CR1L: variants seen among roughly 807,000 people sequenced by gnomAD.
CR1L encodes the protein complement component receptor 1-like protein.
A neutral mutation model predicts 62.3 loss-of-function variants in CR1L; 59 were observed. The ratio of observed to expected loss-of-function variants is 0.95; its 90% CI spans 0.77 to 1.18. CR1L has a LOEUF of 1.18. Ranked by LOEUF, CR1L falls within the 50% of genes most tolerant of loss-of-function variation. The pLI is 0.00. For synonymous variants in CR1L, 279 were observed against 248.7 expected (o/e 1.12, Z -1.15); for missense variants, 700 against 702.8 (o/e 1.00, Z 0.04).
rs772624600 is a variant in CR1L, at chr1:207,708,182, C to T, written c.1333C>T (p.Arg445Ter). 9.3e-6 allele frequency: 15 copies of T among 1,611,162 alleles called. No individual in the cohort carries two copies. The highest frequency in any genetic ancestry group is 8.3e-5 in the Admixed American group (5 of 59,966). The change falls in exon 10 of 12, where the codon CGA (arginine) becomes TGA (stop). Residue 445 changes from arginine (R) to a stop codon, truncating the protein, a stop_gained. Coordinates refer to ENST00000508064, the MANE Select transcript of CR1L (RefSeq NM_175710.2). LOFTEE classifies it high-confidence loss of function. Reference sequence around the variant, plus strand: ...TTTTCCATTTTTTGCCTTTAGGCACCGACTCATTGGTCACTCATCTGCTGA... The same window carrying T: ...TTTTCCATTTTTTGCCTTTAGGCACTGACTCATTGGTCACTCATCTGCTGA... ...RINYSCTTGH[R>*]LIGHSSAECI... is the part of the protein sequence containing the mutation.
chr1:207,715,543 C>G (rs763609361), intron 10 of CR1L: 22 of 463,604 alleles, frequency 4.7e-5, no homozygotes, highest in Non-Finnish European at 8.0e-5. Context: ...CAAGAAGGGT[C>G]TTGTAGGACT....
At chr1:207,692,815 G>A (rs1290234198) in intron 4 of CR1L, among the ~76,000 whole-genome samples, 3 of 151,932 alleles carry the variant, frequency 2.0e-5, no homozygotes, top group Non-Finnish European at 4.4e-5. Context: ...CTTCCATCTT[G>A]TGTTTCTTGT....
At chr1:207,654,589 A>G (rs1663276826) in intron 1 of CR1L, among the ~76,000 whole-genome samples, 1 of 152,230 alleles carries the variant, frequency 6.6e-6, no homozygotes, top group South Asian at 2.1e-4. Flanking sequence ...AAGTATTCCT[A>G]TACTCAATGA....
chr1:207,696,626 AT>A (rs750807834), intron 5 of CR1L, among the ~76,000 whole-genome samples: 1 of 152,178 alleles, frequency 6.6e-6, no homozygotes, highest in Non-Finnish European at 1.5e-5. Flanking sequence ...TAAAGAAGTC[AT>A]TTTTCTAGTC....
At position 207,707,512 on chromosome 1, in the gene CR1L, C is replaced by A. The variant is rs1445828459; in HGVS notation, c.1329-666C>A. Among the ~76,000 whole-genome samples the A allele has an allele frequency of 2.0e-5, 3 of 152,088 alleles. No individual in the cohort carries two copies. The East Asian group carries it at 5.8e-4, about 29-fold the overall frequency. ...GCATGTTGGTGCATGCCTGTAATCC[C>A]AGCCACTCAGGAGGATGAGTCAGGA... On this transcript the variant is annotated intron_variant, in intron 9 of 11. Transcript: ENST00000508064.
chr1:207,710,502 A>C, intron 10 of CR1L: 1 of 1,607,804 alleles, frequency 6.2e-7, no homozygotes, highest in Non-Finnish European at 8.5e-7. Flanking sequence ...AGAGGGAGAA[A>C]GGTGTTTGAG....
Position 207,706,445 on chromosome 1 carries a change from A to G in CR1L, c.1329-1733A>G, listed in dbSNP as rs1331426695. ...AAAAAAAAAGAAAAAGAGAAGACGTATGTAAGACAGTGTCAGGATTCAAAT... is the reference window on the plus strand; with the variant it reads ...AAAAAAAAAGAAAAAGAGAAGACGTGTGTAAGACAGTGTCAGGATTCAAAT... On this transcript the variant is annotated intron_variant, in intron 9 of 11. Coordinates refer to ENST00000508064, the MANE Select transcript of CR1L (RefSeq NM_175710.2). 2.6e-5 allele frequency among the ~76,000 whole-genome samples: 4 copies of G among 152,026 alleles called. No homozygotes were observed. The East Asian group carries it at 5.8e-4, about 22-fold the overall frequency.
At chr1:207,695,718 G>C (rs762690126) in intron 5 of CR1L, among the ~76,000 whole-genome samples, 1 of 152,162 alleles carries the variant, frequency 6.6e-6, no homozygotes, top group African/African-American at 2.4e-5. Context: ...CTATACAGGA[G>C]GAATGACTGA....
At chr1:207,714,994 T>C (rs1653957800) in intron 10 of CR1L, among the ~76,000 whole-genome samples, 2 of 152,188 alleles carry the variant, frequency 1.3e-5, no homozygotes, top group African/African-American at 4.8e-5. Context: ...CTTGTGCCCA[T>C]GGAGAAGTCT....
chr1:207,647,056 CTT>C (rs71781396), intron 1 of CR1L, among the ~76,000 whole-genome samples: 17 of 151,988 alleles, frequency 1.1e-4, no homozygotes, highest in African/African-American at 4.1e-4. Context: ...TAAGCAGGGA[CTT>C]TTTTTGCTCA....
chr1:207,713,744 G>T (rs1418679942), intron 10 of CR1L, among the ~76,000 whole-genome samples: 1 of 152,252 alleles, frequency 6.6e-6, no homozygotes, highest in Non-Finnish European at 1.5e-5. Context: ...CCCAAACAGG[G>T]GTCCCCACGA....
intron 9 of CR1L, among the ~76,000 whole-genome samples, chr1:207,707,233 C>T (rs768615299): frequency 4.6e-5 from 7 of 152,124 alleles, no homozygotes; most frequent in Non-Finnish European, 1.0e-4. Flanking sequence ...TCTCTGTCAT[C>T]GGAAATAAGC....
At chr1:207,718,086 T>C (rs1054770378) in intron 11 of CR1L, among the ~76,000 whole-genome samples, 2 of 152,254 alleles carry the variant, frequency 1.3e-5, no homozygotes, top group African/African-American at 4.8e-5. Flanking sequence ...CATGATGATG[T>C]AATTTACTTC....
chr1:207,692,453 C>A (rs1664011627), intron 4 of CR1L, among the ~76,000 whole-genome samples: 1 of 152,180 alleles, frequency 6.6e-6, no homozygotes, highest in Non-Finnish European at 1.5e-5. Flanking sequence ...CTGCTTTATA[C>A]AACTGCCTCC....
At chr1:207,682,984 C>CTTTCTTTCTTTCTTTCTTTCTTTCTT (rs1553243547) in intron 3 of CR1L, among the ~76,000 whole-genome samples, 12 of 77,632 alleles carry the variant, frequency 1.5e-4, no homozygotes, top group East Asian at 6.4e-4. Context: ...TTCTTTCTTT[C>CTTTCTTTCTTTCTTTCTTTCTTTCTT]TTTCTTTTTT....
intron 11 of CR1L, among the ~76,000 whole-genome samples, chr1:207,718,215 A>G (rs1420831478): frequency 1.3e-5 from 2 of 152,138 alleles, no homozygotes; most frequent in Non-Finnish European, 2.9e-5. Flanking sequence ...CCTTCACCTC[A>G]CCATTAACAA....
At chr1:207,706,154 G>A (rs562095368) in intron 9 of CR1L, among the ~76,000 whole-genome samples, 1 of 151,630 alleles carries the variant, frequency 6.6e-6, no homozygotes, top group African/African-American at 2.4e-5. Flanking sequence ...GGGCACAGTG[G>A]CTCACACCTG....
rs767224514 is a variant in CR1L, at chr1:207,717,445, G to C, written c.1415-19G>C. The C allele has an allele frequency of 7.9e-5, 127 of 1,609,786 alleles. 1 individual carries two copies. Among genetic ancestry groups the C allele is most frequent in the Non-Finnish European group, 1.0e-4 (123 of 1,177,126 alleles). On this transcript the variant is annotated intron_variant, in intron 10 of 11. Coordinates refer to ENST00000508064, the MANE Select transcript of CR1L (RefSeq NM_175710.2). ...AGTGAAACTCTAATAGAACTTAAAA[G>C]CTCTTGTTTTCTTTCTAGAAATCTT...
chr1:207,697,975 G>GAC lies in CR1L; in HGVS notation c.1142+122_1142+123dup, dbSNP rs368602585. 10,018 of 1,265,308 alleles carry GAC rather than the reference G, an allele frequency of 7.9e-3. 263 individuals carry two copies. The African/African-American group carries it at 0.11, about 13-fold the overall frequency. The allele number at this position is 1,265,308 out of a possible 1,614,324, so 78.4% of individuals were successfully genotyped here. A position where few individuals can be genotyped will look rare whatever the true frequency, so the allele number is the denominator to read the frequency against. On this transcript the variant is annotated intron_variant, in intron 7 of 11. Transcript: ENST00000508064. Reference sequence around the variant, plus strand: ...TGGCTTAAAAAAAGACAGACAGACAGACACACACACACACACACACAATCA... The same window carrying GAC: ...TGGCTTAAAAAAAGACAGACAGACAGACACACACACACACACACACACAATCA...
Sources: gnomAD v4.1 joint callset for allele counts (sites outside exome capture counted in the v4.1 genomes callset) on GRCh38, gnomAD v4.1.1 for gene constraint, MANE v1.5 for transcripts, NCBI Gene and HGNC (gene_info 2026-07-23, HGNC 2026-07-21) for gene names.